TRDN: variants seen among roughly 807,000 people sequenced by gnomAD.
TRDN encodes the protein triadin.
In TRDN, 161 loss-of-function variants were observed where a neutral mutation model predicts 149.7. That is an observed-to-expected ratio of 1.08 (90% CI 0.95 to 1.23). TRDN has a LOEUF of 1.23. Ranked by LOEUF, TRDN falls within the 50% of genes most tolerant of loss-of-function variation. The pLI is 0.00. For missense variants in TRDN, 896 were observed against 823.5 expected, an observed-to-expected ratio of 1.09 and a Z score of -1.08; for synonymous variants, 294 against 250.5, an observed-to-expected ratio of 1.17 and a Z score of -1.64.
intron 9 of TRDN, among the ~76,000 whole-genome samples, chr6:123,484,536 T>C (rs1030578768): frequency 6.6e-6 from 1 of 152,214 alleles, no homozygotes; most frequent in African/African-American, 2.4e-5. Context: ...TTGTTTCTCA[T>C]GCAGCAATTC....
Position 123,438,135 on chromosome 6 carries a change from T to C in TRDN, c.992-13A>G. The C allele has an allele frequency of 4.5e-6, 7 of 1,568,616 alleles. No individual in the cohort carries two copies. The highest frequency in any genetic ancestry group is 6.0e-6 in the Non-Finnish European group (7 of 1,157,764). ...ATATCTTCTTTTTCTGCTGGTAAAA[T>C]AAGAAAGTTATAAGCCTTTACCTGT... On this transcript the variant is annotated splice_polypyrimidine_tract_variant and intron_variant, in intron 11 of 40. Transcript: ENST00000334268.
At chr6:123,278,224 A>T (rs900463973) in intron 26 of TRDN, 94 bp downstream of exon 26, 111 of 871,578 alleles carry the variant, frequency 1.3e-4, no homozygotes, top group Non-Finnish European at 1.6e-4. Context: ...ATTTGATAAA[A>T]TATTTGTACT....
chr6:123,472,206 G>A (rs1184537210), intron 9 of TRDN, among the ~76,000 whole-genome samples: 21 of 152,310 alleles, frequency 1.4e-4, no homozygotes, highest in African/African-American at 4.3e-4. Context: ...GACAGTGGGC[G>A]CAGGTCAGTG....
chr6:123,258,941 T>C (rs1776657389), intron 35 of TRDN, among the ~76,000 whole-genome samples: 1 of 152,222 alleles, frequency 6.6e-6, no homozygotes, highest in African/African-American at 2.4e-5. Flanking sequence ...GTTTATAGTA[T>C]TCTCTGATGG....
At chr6:123,222,362 A>T (rs185302428) in intron 39 of TRDN, among the ~76,000 whole-genome samples, 187 of 151,796 alleles carry the variant, frequency 1.2e-3, no homozygotes, top group Non-Finnish European at 2.0e-3. Flanking sequence ...ATAAATGCAG[A>T]TTTTTAGGTT....
At chr6:123,519,870 G>A (rs568784197) in intron 5 of TRDN, among the ~76,000 whole-genome samples, 2 of 151,862 alleles carry the variant, frequency 1.3e-5, no homozygotes, top group South Asian at 2.1e-4. Flanking sequence ...CACATTTCTT[G>A]TGCTTTTTTG....
At chr6:123,287,974 ATTTCT>A (rs891299154) in intron 24 of TRDN, among the ~76,000 whole-genome samples, 2 of 151,826 alleles carry the variant, frequency 1.3e-5, no homozygotes, top group African/African-American at 2.4e-5. Flanking sequence ...TATTTTCCAA[ATTTCT>A]TTAATTGCAT....
intron 1 of TRDN, among the ~76,000 whole-genome samples, chr6:123,598,353 T>C (rs574887410): frequency 1.6e-4 from 25 of 152,194 alleles, no homozygotes; most frequent in East Asian, 7.7e-4. Context: ...TCGTATTGTA[T>C]GTATATTTTC....
At chr6:123,501,663 G>T (rs977823983) in intron 8 of TRDN, among the ~76,000 whole-genome samples, 1 of 151,954 alleles carries the variant, frequency 6.6e-6, no homozygotes, top group Admixed American at 6.6e-5. Flanking sequence ...TTATATAATT[G>T]ATGGCAATTG....
intron 21 of TRDN, chr6:123,349,559 A>G (rs1235251297): frequency 7.9e-6 from 7 of 881,678 alleles, no homozygotes; most frequent in African/African-American, 1.8e-5. Flanking sequence ...TTAAAAATAC[A>G]TATTAAGCAA....
At chr6:123,433,487 G>T (rs1214638464) in intron 12 of TRDN, among the ~76,000 whole-genome samples, 1 of 151,736 alleles carries the variant, frequency 6.6e-6, no homozygotes, top group Non-Finnish European at 1.5e-5. Context: ...TACAAAGCTT[G>T]GCATATAGTA....
In TRDN at chr6:123,510,313, C is replaced by A. The variant is rs563502245; in HGVS notation, c.610+1990G>T. The A allele has an allele frequency of 1.2e-4, 18 of 152,018 alleles. No individual in the cohort carries two copies. In the East Asian group the frequency reaches 3.1e-3, roughly 26 times the overall value. 9.4% of individuals were successfully genotyped at this position (152,018 alleles called of 1,614,324 possible). On this transcript the variant is annotated intron_variant, in intron 7 of 40. Transcript: ENST00000334268. Reference sequence around the variant, plus strand: ...CATTATTTTACATTTAGTAGCTAAACTAAATCTTAAAAATGCTTCTGAGTT... The same window carrying A: ...CATTATTTTACATTTAGTAGCTAAAATAAATCTTAAAAATGCTTCTGAGTT...
intron 1 of TRDN, among the ~76,000 whole-genome samples, chr6:123,595,721 A>T (rs891999828): frequency 6.6e-6 from 1 of 152,102 alleles, no homozygotes. Flanking sequence ...ATCTGTGATC[A>T]GTGATTTCTG....
intron 4 of TRDN, among the ~76,000 whole-genome samples, chr6:123,544,300 T>C (rs1035033403): frequency 1.3e-5 from 2 of 149,496 alleles, no homozygotes; most frequent in Admixed American, 6.7e-5. Flanking sequence ...CACAGTCTTA[T>C]TGGGGCAATG....
intron 10 of TRDN, among the ~76,000 whole-genome samples, chr6:123,450,813 G>T (rs1308864695): frequency 2.8e-4 from 43 of 151,992 alleles, no homozygotes; most frequent in African/African-American, 1.0e-3. Context: ...ATTCAATAGT[G>T]CACGGAACTT....
chr6:123,316,060 G>T (rs900601285), intron 24 of TRDN, among the ~76,000 whole-genome samples: 2 of 151,846 alleles, frequency 1.3e-5, no homozygotes, highest in African/African-American at 4.8e-5. Flanking sequence ...GTAAATACAG[G>T]TTCATAAAAC....
rs1554259196 is a variant in TRDN at position 123,574,881 on chromosome 6, T to TATATAC, written c.23-3750_23-3749insGTATAT. ...ACATATATATATATATATATATATATATATATATATATACACACATTTTCC... is the reference window on the plus strand; with the variant it reads ...ACATATATATATATATATATATATATATATACATATATATATATACACACATTTTCC... On this transcript the variant is annotated intron_variant, in intron 1 of 40. Coordinates refer to ENST00000334268, the MANE Select transcript of TRDN (RefSeq NM_006073.4). Among the ~76,000 whole-genome samples the TATATAC allele has an allele frequency of 2.4e-3, 257 of 107,470 alleles. 2 individuals carry two copies. The highest frequency in any genetic ancestry group is 8.9e-3 in the African/African-American group (248 of 27,882). The allele number at this position is 107,470 out of a possible 152,430, so 70.5% of individuals were successfully genotyped here. A position where few individuals can be genotyped will look rare whatever the true frequency, so the allele number is the denominator to read the frequency against.
intron 6 of TRDN, among the ~76,000 whole-genome samples, chr6:123,513,916 T>C (rs1779297155): frequency 6.6e-6 from 1 of 152,118 alleles, no homozygotes; most frequent in Non-Finnish European, 1.5e-5. Context: ...CAGCAGACTA[T>C]GCATACTCTG....
chr6:123,269,574 A>G (rs1437167559), intron 31 of TRDN, among the ~76,000 whole-genome samples: 1 of 151,916 alleles, frequency 6.6e-6, no homozygotes, highest in Non-Finnish European at 1.5e-5. Flanking sequence ...TTTCTTTTGT[A>G]TAGTTATAAT....
Sources: gnomAD v4.1 joint callset for allele counts (sites outside exome capture counted in the v4.1 genomes callset) on GRCh38, gnomAD v4.1.1 for gene constraint, MANE v1.5 for transcripts, NCBI Gene and HGNC (gene_info 2026-07-23, HGNC 2026-07-21) for gene names.